The following MGAT4D variants were observed in gnomAD, a reference collection of about 807,000 sequenced individuals.
The protein encoded by MGAT4D is MGAT4 family member D.
MGAT4D carries 34 observed loss-of-function variants against 15.9 expected under a neutral mutation model. That is an observed-to-expected ratio of 2.14 (90% CI 1.62 to 2.84). MGAT4D has a LOEUF of 2.84. Ranked by LOEUF, MGAT4D falls within the 30% of genes most tolerant of loss-of-function variation. The pLI is 0.00. For missense variants in MGAT4D, 327 were observed against 140.2 expected (o/e 2.33, Z -6.73); for synonymous variants, 112 against 48.2 (o/e 2.33, Z -5.49).
intron 1 of MGAT4D, among the ~76,000 whole-genome samples, chr4:140,496,403 T>A (rs1266963894): frequency 6.6e-6 from 1 of 152,222 alleles, no homozygotes; most frequent in Non-Finnish European, 1.5e-5. Context: ...GATGATGACA[T>A]AAATGCTTTG....
intron 1 of MGAT4D, among the ~76,000 whole-genome samples, chr4:140,489,629 C>G (rs941762770): frequency 1.3e-5 from 2 of 152,152 alleles, no homozygotes; most frequent in Non-Finnish European, 2.9e-5. Flanking sequence ...AAACTCTGTA[C>G]TTGCTTCTTT....
At chr4:140,447,524 C>T (rs1730210238) in intron 10 of MGAT4D, among the ~76,000 whole-genome samples, 1 of 152,076 alleles carries the variant, frequency 6.6e-6, no homozygotes, top group Non-Finnish European at 1.5e-5. Flanking sequence ...ATTGCAATCC[C>T]TGCCTTTTTT....
chr4:140,447,378 C>T (rs1273517961), intron 10 of MGAT4D, among the ~76,000 whole-genome samples: 1 of 152,112 alleles, frequency 6.6e-6, no homozygotes, highest in Admixed American at 6.6e-5. Flanking sequence ...CTTTATGAAT[C>T]TGGGTGCTCC....
At chr4:140,448,425 G>T (rs1211243469) in intron 10 of MGAT4D, among the ~76,000 whole-genome samples, 1 of 151,694 alleles carries the variant, frequency 6.6e-6, no homozygotes, top group Non-Finnish European at 1.5e-5. Context: ...GTTTATTTTT[G>T]ACTATCTTAT....
chr4:140,485,464 G>A (rs1220942202), intron 1 of MGAT4D, among the ~76,000 whole-genome samples: 1 of 151,918 alleles, frequency 6.6e-6, no homozygotes, highest in Non-Finnish European at 1.5e-5. Context: ...TGACGAGATA[G>A]TGGGTGCAGC....
rs775132415 is a variant in MGAT4D at position 140,479,573 on chromosome 4, T to G, written c.308A>C (p.Glu103Ala). ...NKNETVSNTF[E>A]DLKFFFPHLR... Reference sequence around the variant, plus strand: ...ATGAGGAAAAAAGAACTTTAAGTCTTCAAATGTATTAGATACTGTTTCATT... The same window carrying G: ...ATGAGGAAAAAAGAACTTTAAGTCTGCAAATGTATTAGATACTGTTTCATT... The change falls in exon 3 of 11, where the codon GAA becomes GCA. Residue 103 changes from glutamate (E) to alanine (A), a missense_variant. Transcript: ENST00000511113. 4.1e-5 allele frequency: 23 copies of G among 557,196 alleles called. No homozygotes were observed. The South Asian group carries it at 5.7e-4, about 14-fold the overall frequency. The allele number at this position is 557,196 out of a possible 1,614,324, so 34.5% of individuals were successfully genotyped here. A position where few individuals can be genotyped will look rare whatever the true frequency, so the allele number is the denominator to read the frequency against.
Position 140,498,191 on chromosome 4 carries a change from G to T in MGAT4D, c.32C>A (p.Thr11Asn), listed in dbSNP as rs1441197337. The change falls in exon 1 of 11, where the codon ACC (threonine) becomes AAC (asparagine). Residue 11 changes from threonine to asparagine, a missense_variant. By Grantham distance (65) the Thr-to-Asn change is moderately conservative. Coordinates refer to ENST00000511113, the MANE Select transcript of MGAT4D (RefSeq NM_001277353.2). MRTKQVNLLI[T>N]LVAVALFSFS... Reference sequence around the variant, plus strand: ...GCTGAACAACGCGACGGCGACCAGGGTGATCAGCAAGTTCACCTGCTTGGT... The same window carrying T: ...GCTGAACAACGCGACGGCGACCAGGTTGATCAGCAAGTTCACCTGCTTGGT... The T allele has an allele frequency of 1.4e-6, 1 of 702,528 alleles. No homozygotes were observed. The highest frequency in any genetic ancestry group is 2.6e-6 in the Non-Finnish European group (1 of 384,740). The allele number at this position is 702,528 out of a possible 1,614,324, so 43.5% of individuals were successfully genotyped here.
At chr4:140,498,061 G>T (rs1733956904) in intron 1 of MGAT4D, 68 bp downstream of exon 1, 1 of 670,760 alleles carries the variant, frequency 1.5e-6, no homozygotes, top group South Asian at 1.6e-5. Flanking sequence ...ACCCTGCCCC[G>T]CCTGCATTCC....
chr4:140,482,344 AT>A lies in MGAT4D; in HGVS notation c.235del (p.Ile79PhefsTer6). On this transcript the variant is annotated frameshift_variant, in exon 2 of 11. Coordinates refer to ENST00000511113, the MANE Select transcript of MGAT4D (RefSeq NM_001277353.2). LOFTEE classifies it high-confidence loss of function. The stretch of plus-strand genomic sequence containing the variant: ...ACACAAACCTAAGTTTCCTGACAAA[AT>A]TTCTCTCTTTGTAATTTCATACTTC... ...RMKYEITKRE[I>X]LSGNLVAQKA... 1.6e-6 allele frequency: 1 copy of A among 627,698 alleles called. No homozygotes were observed. The highest frequency in any genetic ancestry group is 1.8e-5 in the South Asian group (1 of 55,130). The allele number at this position is 627,698 out of a possible 1,614,324, so 38.9% of individuals were successfully genotyped here. A position where few individuals can be genotyped will look rare whatever the true frequency, so the allele number is the denominator to read the frequency against.
At chr4:140,486,964 G>A (rs1733177409) in intron 1 of MGAT4D, among the ~76,000 whole-genome samples, 1 of 152,134 alleles carries the variant, frequency 6.6e-6, no homozygotes, top group African/African-American at 2.4e-5. Context: ...AATATATCAT[G>A]GGTGATGCAA....
chr4:140,491,086 T>C (rs1466158899), intron 1 of MGAT4D, among the ~76,000 whole-genome samples: 5 of 152,224 alleles, frequency 3.3e-5, no homozygotes, highest in African/African-American at 9.6e-5. Flanking sequence ...TTACCTTTTC[T>C]TGTAATTGCT....
intron 5 of MGAT4D, among the ~76,000 whole-genome samples, chr4:140,469,834 C>G (rs2126770499): frequency 6.6e-6 from 1 of 152,308 alleles, no homozygotes; most frequent in African/African-American, 2.4e-5. Context: ...TTTCAGCGAC[C>G]CCGAGCTGCT....
At chr4:140,479,301 C>T (rs1732539938) in intron 3 of MGAT4D, among the ~76,000 whole-genome samples, 189 bp downstream of exon 3, 1 of 152,150 alleles carries the variant, frequency 6.6e-6, no homozygotes. Context: ...ATTCAAGTCA[C>T]CAAGTGTTTA....
chr4:140,461,808 A>G, intron 7 of MGAT4D, 121 bp downstream of exon 7: 1 of 433,612 alleles, frequency 2.3e-6, no homozygotes, highest in East Asian at 3.2e-5. Context: ...GAGGAAGAAG[A>G]AATTATAGGA....
chr4:140,492,627 C>CAA (rs57107544), intron 1 of MGAT4D, among the ~76,000 whole-genome samples: 69 of 113,798 alleles, frequency 6.1e-4, no homozygotes, highest in African/African-American at 1.8e-3. Flanking sequence ...GACTCTGTCT[C>CAA]AAAAAAAAAA....
chr4:140,462,005 CTAAAGG>C lies in MGAT4D; in HGVS notation c.687-7_687-2del, dbSNP rs1040770829. On this transcript the variant is annotated splice_acceptor_variant and splice_polypyrimidine_tract_variant and intron_variant, in intron 6 of 10. Transcript: ENST00000511113. LOFTEE classifies it high-confidence loss of function. ...ATCCAATACCTGTTTGATTCGCCAACTAAAGGTAATCAATAAGATCTGTTAATATTT... is the reference window on the plus strand; with the variant it reads ...ATCCAATACCTGTTTGATTCGCCAACTAATCAATAAGATCTGTTAATATTT... 1.4e-6 allele frequency: 1 copy of C among 700,052 alleles called. No individual in the cohort carries two copies. The highest frequency in any genetic ancestry group is 2.6e-6 in the Non-Finnish European group (1 of 383,698). The allele number at this position is 700,052 out of a possible 1,614,324, so 43.4% of individuals were successfully genotyped here.
At chr4:140,454,941 ACTTT>A (rs141411574) in intron 9 of MGAT4D, among the ~76,000 whole-genome samples, 29,288 of 151,870 alleles carry the variant, frequency 0.19, 2,862 homozygotes, top group South Asian at 0.28. Flanking sequence ...TGGAACTCCC[ACTTT>A]CTTACTAATG....
At chr4:140,468,503 T>G (rs1731696521) in intron 5 of MGAT4D, among the ~76,000 whole-genome samples, 1 of 152,192 alleles carries the variant, frequency 6.6e-6, no homozygotes, top group Non-Finnish European at 1.5e-5. Context: ...TTTTAATTGA[T>G]TCTGTCAGGA....
At chr4:140,491,505 A>C (rs1733499755) in intron 1 of MGAT4D, among the ~76,000 whole-genome samples, 1 of 152,040 alleles carries the variant, frequency 6.6e-6, no homozygotes, top group East Asian at 1.9e-4. Context: ...GATCCTACTA[A>C]GCCAAGAGGG....
Sources: allele counts gnomAD v4.1 joint callset (sites outside exome capture counted in the v4.1 genomes callset), GRCh38; gene constraint gnomAD v4.1.1; transcripts MANE v1.5; gene names NCBI Gene and HGNC (gene_info 2026-07-23, HGNC 2026-07-21).